CREB3L2: variants seen among roughly 807,000 people sequenced by gnomAD.
CREB3L2 encodes the protein cAMP responsive element binding protein 3 like 2.
Under a neutral mutation model 57.2 loss-of-function variants are expected in CREB3L2, and 23 were observed. That is an observed-to-expected ratio of 0.40 (90% CI 0.29 to 0.57). The LOEUF (loss-of-function observed/expected upper bound fraction) is 0.57, where lower values mean the gene tolerates loss of function less well. CREB3L2 is among the 20% of genes least tolerant of loss of function. The pLI is 0.42. For synonymous variants in CREB3L2, 268 were observed against 265.1 expected, an observed-to-expected ratio of 1.01 and a Z score of -0.11; for missense variants, 628 against 634.7, an observed-to-expected ratio of 0.99 and a Z score of 0.11.
intron 6 of CREB3L2, among the ~76,000 whole-genome samples, chr7:137,905,223 C>A (rs1799858999): frequency 6.7e-6 from 1 of 149,962 alleles, no homozygotes. Context: ...GATCACAAAA[C>A]CCTACCAAGA....
chr7:137,949,474 C>T (rs1288555341), intron 1 of CREB3L2, among the ~76,000 whole-genome samples: 4 of 152,110 alleles, frequency 2.6e-5, no homozygotes, highest in African/African-American at 9.7e-5. Context: ...GGAGGATTTC[C>T]CTAGTTTCAA....
rs1799236065 is a variant in CREB3L2, at chr7:137,879,360, C to A, written c.*1116G>T. On this transcript the variant is annotated 3_prime_UTR_variant, in exon 12 of 12. Coordinates refer to ENST00000330387, the MANE Select transcript of CREB3L2 (RefSeq NM_194071.4). ...AGTGTGGAGGGAGGAGGGGGCCAGGCAGGTGTGGAAAGCCAGCAAGGTTGT... is the reference window on the plus strand; with the variant it reads ...AGTGTGGAGGGAGGAGGGGGCCAGGAAGGTGTGGAAAGCCAGCAAGGTTGT... 2.0e-6 allele frequency: 1 copy of A among 490,036 alleles called. No individual in the cohort carries two copies. The allele number at this position is 490,036 out of a possible 1,614,324, so 30.4% of individuals were successfully genotyped here.
intron 1 of CREB3L2, among the ~76,000 whole-genome samples, chr7:137,970,540 A>G (rs1801488637): frequency 7.1e-6 from 1 of 141,022 alleles, no homozygotes; most frequent in African/African-American, 2.6e-5. Flanking sequence ...AGAAACAGCA[A>G]CTGTAAGAAG....
intron 3 of CREB3L2, among the ~76,000 whole-genome samples, chr7:137,913,506 C>CAA (rs33940093): frequency 9.2e-6 from 1 of 108,728 alleles, no homozygotes; most frequent in African/African-American, 3.6e-5. Context: ...GACCCTATCT[C>CAA]AAAAAAAAAA....
intron 1 of CREB3L2, among the ~76,000 whole-genome samples, chr7:137,983,968 G>A (rs1399383802): frequency 1.3e-5 from 2 of 152,150 alleles, no homozygotes; most frequent in African/African-American, 2.4e-5. Context: ...GGAACTTCTC[G>A]GCCCACTCAC....
chr7:137,884,599 T>G, intron 10 of CREB3L2: 1 of 468,044 alleles, frequency 2.1e-6, no homozygotes, highest in Non-Finnish European at 3.9e-6. Context: ...CTATATACAT[T>G]GCATTACATT....
At chr7:137,978,557 C>T (rs1418121221) in intron 1 of CREB3L2, among the ~76,000 whole-genome samples, 1 of 152,128 alleles carries the variant, frequency 6.6e-6, no homozygotes, top group Non-Finnish European at 1.5e-5. Flanking sequence ...ATGGCAGGCC[C>T]GGTACGATGT....
At chr7:137,985,390 C>A (rs1310472866) in intron 1 of CREB3L2, among the ~76,000 whole-genome samples, 1 of 152,160 alleles carries the variant, frequency 6.6e-6, no homozygotes, top group East Asian at 1.9e-4. Context: ...GGCTTAAATG[C>A]CTTTGCTGCA....
At chr7:137,928,906 G>A (rs1056369885) in intron 1 of CREB3L2, among the ~76,000 whole-genome samples, 2 of 152,182 alleles carry the variant, frequency 1.3e-5, no homozygotes, top group Non-Finnish European at 2.9e-5. Flanking sequence ...CAATGCAGAC[G>A]AGTGTGGACA....
At chr7:137,943,121 A>G (rs10257051) in intron 1 of CREB3L2, among the ~76,000 whole-genome samples, 3,862 of 151,316 alleles carry the variant, frequency 0.026, 139 homozygotes, top group African/African-American at 0.079. Context: ...AAGTCACTGA[A>G]CCCCTCTGGG....
intron 5 of CREB3L2, 65 bp from the exon 6 acceptor site, chr7:137,905,913 C>T (rs1799882732): frequency 7.0e-7 from 1 of 1,429,876 alleles, no homozygotes; most frequent in Admixed American, 2.2e-5. Context: ...AGAATCACCT[C>T]CCAATGGGAT....
chr7:137,887,524 T>A lies in CREB3L2; in HGVS notation c.1044-2022A>T, dbSNP rs530950716. 7.2e-5 allele frequency among the ~76,000 whole-genome samples: 11 copies of A among 152,154 alleles called. No homozygotes were observed. The East Asian group carries it at 1.4e-3, about 19-fold the overall frequency. On this transcript the variant is annotated intron_variant, in intron 8 of 11. Coordinates refer to ENST00000330387, the MANE Select transcript of CREB3L2 (RefSeq NM_194071.4). Reference sequence around the variant, plus strand: ...GAGTTCGAGACCAGCCTGGCCAACATAGTAAAACCCTCATCTCTACTAAAA... The same window carrying A: ...GAGTTCGAGACCAGCCTGGCCAACAAAGTAAAACCCTCATCTCTACTAAAA...
At chr7:137,955,446 C>T in intron 1 of CREB3L2, 1 of 492,750 alleles carries the variant, frequency 2.0e-6, no homozygotes, top group East Asian at 7.2e-5. Context: ...ACTTACACGT[C>T]CGGTTCAGAA....
Position 137,882,568 on chromosome 7 carries a change from G to T in CREB3L2, c.1331C>A (p.Pro444Gln). 3 of 1,613,388 alleles carry T rather than the reference G, an allele frequency of 1.9e-6. No homozygotes were observed. The highest frequency in any genetic ancestry group is 2.5e-6 in the Non-Finnish European group (3 of 1,179,480). The change falls in exon 11 of 12, where the codon CCG becomes CAG. Residue 444 changes from proline to glutamine, a missense_variant. Physicochemically the swap from Pro to Gln is moderately conservative, Grantham distance 76. Coordinates refer to ENST00000330387, the MANE Select transcript of CREB3L2 (RefSeq NM_194071.4). ...GCCCCCCAGCTCCCCAGCCGAGCCC[G>T]GGCTGGATGACTCCTCTGGGGGAGA... ...EHSPPEESSS[P>Q]GSAGELGGWD...
intron 8 of CREB3L2, among the ~76,000 whole-genome samples, chr7:137,896,759 C>T (rs2117192095): frequency 6.6e-6 from 1 of 152,306 alleles, no homozygotes; most frequent in Non-Finnish European, 1.5e-5. Context: ...CACAGAGCCA[C>T]TGCGCTCCTG....
intron 1 of CREB3L2, among the ~76,000 whole-genome samples, chr7:137,929,341 ATAACAT>A (rs1800555824): frequency 6.6e-6 from 1 of 152,116 alleles, no homozygotes; most frequent in African/African-American, 2.4e-5. Flanking sequence ...CCTGGCACTA[ATAACAT>A]TTTGGACTGG....
At chr7:137,977,099 A>C (rs751250308) in intron 1 of CREB3L2, among the ~76,000 whole-genome samples, 3 of 152,202 alleles carry the variant, frequency 2.0e-5, no homozygotes, top group Non-Finnish European at 2.9e-5. Context: ...TCCACACTTA[A>C]ACACGGCCCC....
At chr7:137,948,819 G>C (rs1185919205) in intron 1 of CREB3L2, among the ~76,000 whole-genome samples, 8 of 152,142 alleles carry the variant, frequency 5.3e-5, no homozygotes, top group Non-Finnish European at 1.0e-4. Flanking sequence ...GCATTTTGTT[G>C]TCCTTGTTCT....
chr7:137,966,064 G>A (rs1388659381), intron 1 of CREB3L2, among the ~76,000 whole-genome samples: 2 of 152,136 alleles, frequency 1.3e-5, no homozygotes, highest in Non-Finnish European at 1.5e-5. Flanking sequence ...TTCCAAAGAA[G>A]GAATCTGATG....
Sources: allele counts gnomAD v4.1 joint callset (sites outside exome capture counted in the v4.1 genomes callset), GRCh38; gene constraint gnomAD v4.1.1; transcripts MANE v1.5; gene names NCBI Gene and HGNC (gene_info 2026-07-23, HGNC 2026-07-21).